The following BBS9 variants were observed in gnomAD, a reference collection of about 807,000 sequenced individuals.
BBS9 encodes the protein protein PTHB1.
In BBS9, 89 loss-of-function variants were observed where a neutral mutation model predicts 117.7. That is an observed-to-expected ratio of 0.76 (90% CI 0.64 to 0.90). The LOEUF (loss-of-function observed/expected upper bound fraction) is 0.90, where lower values mean the gene tolerates loss of function less well. Ranked by LOEUF, BBS9 falls within the 40% of genes least tolerant of loss-of-function variation. The probability of loss-of-function intolerance (pLI) is 0.00; values close to 1 mark genes in which losing one functional copy is unlikely to be tolerated. For missense variants in BBS9, 982 were observed against 1,042.2 expected (o/e 0.94, Z 0.80); for synonymous variants, 379 against 370.9 (o/e 1.02, Z -0.25).
chr7:33,264,396 T>C, intron 7 of BBS9, 22 bp downstream of exon 7: 1 of 1,441,918 alleles, frequency 6.9e-7, no homozygotes. Context: ...TTTTAATATA[T>C]AAAAATTTCA....
intron 21 of BBS9, among the ~76,000 whole-genome samples, chr7:33,588,634 ATGTTAAG>A (rs1861359421): frequency 1.3e-5 from 2 of 152,186 alleles, no homozygotes; most frequent in Non-Finnish European, 2.9e-5. Context: ...GTAAGTGCTA[ATGTTAAG>A]TGTTACAGAA....
intron 5 of BBS9, among the ~76,000 whole-genome samples, chr7:33,210,535 A>T (rs1003287985): frequency 1.3e-5 from 2 of 151,668 alleles, no homozygotes; most frequent in Non-Finnish European, 2.9e-5. Flanking sequence ...AGCTCTAGTG[A>T]TATGTATTTT....
At chr7:33,151,416 A>AAC in intron 2 of BBS9, among the ~76,000 whole-genome samples, 1 of 152,160 alleles carries the variant, frequency 6.6e-6, no homozygotes, top group South Asian at 2.1e-4. Context: ...TGAATGTAAG[A>AAC]TAGCTTTCCC....
chr7:33,160,593 C>T (rs1488758139), intron 4 of BBS9, among the ~76,000 whole-genome samples: 2 of 152,178 alleles, frequency 1.3e-5, no homozygotes, highest in Non-Finnish European at 2.9e-5. Flanking sequence ...TGAGAAAAAG[C>T]TGTCTATATC....
intron 5 of BBS9, among the ~76,000 whole-genome samples, chr7:33,189,902 A>G (rs1783802761): frequency 6.8e-6 from 1 of 146,782 alleles, no homozygotes; most frequent in African/African-American, 2.5e-5. Context: ...AAAAAAAAAA[A>G]GTAGATACAA....
At chr7:33,592,880 G>A (rs555753509) in intron 21 of BBS9, among the ~76,000 whole-genome samples, 2 of 152,182 alleles carry the variant, frequency 1.3e-5, no homozygotes, top group East Asian at 3.9e-4. Context: ...AGGCAAAGGG[G>A]AGTTATGCTC....
chr7:33,541,768 G>C (rs780810500), intron 21 of BBS9, among the ~76,000 whole-genome samples: 35 of 152,188 alleles, frequency 2.3e-4, no homozygotes, highest in Non-Finnish European at 4.3e-4. Flanking sequence ...GCGACAGAAA[G>C]TATGTTAGTG....
chr7:33,149,980 G>T (rs1039892377), intron 2 of BBS9, among the ~76,000 whole-genome samples: 1 of 152,130 alleles, frequency 6.6e-6, no homozygotes, highest in Non-Finnish European at 1.5e-5. Context: ...GAAGCTCAGC[G>T]GGGAATGTTT....
intron 19 of BBS9, among the ~76,000 whole-genome samples, chr7:33,483,730 A>G (rs959624889): frequency 3.3e-5 from 5 of 152,042 alleles, no homozygotes; most frequent in African/African-American, 2.4e-5. Flanking sequence ...TCCTGGACTC[A>G]AGCAATCCTC....
chr7:33,396,411 G>C (rs1197030928), intron 19 of BBS9, among the ~76,000 whole-genome samples: 1 of 152,066 alleles, frequency 6.6e-6, no homozygotes, highest in Non-Finnish European at 1.5e-5. Flanking sequence ...TATATAATAA[G>C]TTACAAATAA....
At chr7:33,390,994 T>C (rs144561059) in intron 19 of BBS9, among the ~76,000 whole-genome samples, 4 of 152,332 alleles carry the variant, frequency 2.6e-5, no homozygotes, top group Admixed American at 1.3e-4. Flanking sequence ...TAGTTTATGA[T>C]ATGGACAGTC....
At chr7:33,516,779 G>T (rs1455741008) in intron 20 of BBS9, among the ~76,000 whole-genome samples, 1 of 152,128 alleles carries the variant, frequency 6.6e-6, no homozygotes, top group Non-Finnish European at 1.5e-5. Context: ...GTCTCTATTG[G>T]TATCATTTTA....
chr7:33,490,259 A>C (rs1322972002), intron 19 of BBS9, among the ~76,000 whole-genome samples: 1 of 152,200 alleles, frequency 6.6e-6, no homozygotes, highest in Non-Finnish European at 1.5e-5. Context: ...TTTTATACAT[A>C]ACACATTTAC....
At chr7:33,160,662 C>T (rs1302460649) in intron 4 of BBS9, among the ~76,000 whole-genome samples, 4 of 152,076 alleles carry the variant, frequency 2.6e-5, no homozygotes, top group Non-Finnish European at 5.9e-5. Flanking sequence ...TTAAGGTTGC[C>T]AATGGGTGTA....
intron 19 of BBS9, among the ~76,000 whole-genome samples, chr7:33,454,636 C>T (rs565442704): frequency 3.9e-5 from 6 of 152,298 alleles, no homozygotes; most frequent in East Asian, 1.9e-4. Context: ...TGATTCATTT[C>T]GAGACCTGGG....
chr7:33,197,179 C>T (rs373692129), intron 5 of BBS9, among the ~76,000 whole-genome samples: 6 of 152,188 alleles, frequency 3.9e-5, no homozygotes, highest in African/African-American at 4.8e-5. Flanking sequence ...TGCTTGTGGT[C>T]AGCACTGCCT....
intron 4 of BBS9, chr7:33,157,893 C>T (rs1385396316): frequency 6.6e-6 from 1 of 152,050 alleles, no homozygotes; most frequent in Non-Finnish European, 1.5e-5. Context: ...TGAAGTTGGC[C>T]TATCTTATCA....
intron 9 of BBS9, among the ~76,000 whole-genome samples, chr7:33,329,164 G>T (rs1813462209): frequency 1.3e-5 from 2 of 152,070 alleles, no homozygotes; most frequent in East Asian, 3.9e-4. Flanking sequence ...GGGATTACAG[G>T]TGCACATCAC....
intron 19 of BBS9, among the ~76,000 whole-genome samples, chr7:33,393,245 C>T (rs1027567866): frequency 3.9e-5 from 6 of 152,048 alleles, no homozygotes; most frequent in Non-Finnish European, 8.8e-5. Context: ...TGTTTTTAGG[C>T]GAATAAAACT....
Sources: allele counts gnomAD v4.1 joint callset (sites outside exome capture counted in the v4.1 genomes callset), GRCh38; gene constraint gnomAD v4.1.1; transcripts MANE v1.5; gene names NCBI Gene and HGNC (gene_info 2026-07-23, HGNC 2026-07-21).